Variants in IL1RAPL2 observed in about 807,000 individuals in gnomAD.
The protein encoded by IL1RAPL2 is X-linked interleukin-1 receptor accessory protein-like 2.
Under a neutral mutation model 44.1 loss-of-function variants are expected in IL1RAPL2, and 3 were observed. The ratio of observed to expected loss-of-function variants is 0.07; its 90% confidence interval spans 0.03 to 0.18. The LOEUF (loss-of-function observed/expected upper bound fraction) is 0.18, where lower values mean the gene tolerates loss of function less well. Ranked by LOEUF, IL1RAPL2 falls within the 10% of genes least tolerant of loss-of-function variation. The pLI is 1.00. For synonymous variants in IL1RAPL2, 181 were observed against 178.8 expected, an observed-to-expected ratio of 1.01 and a Z score of -0.10; for missense variants, 391 against 496.4, an observed-to-expected ratio of 0.79 and a Z score of 2.02.
chrX:104,676,346 C>G (rs1930756980), intron 2 of IL1RAPL2, among the ~76,000 whole-genome samples: 1 of 111,159 alleles, frequency 9.0e-6, no homozygotes, highest in African/African-American at 3.3e-5. Context: ...TTTTATTTCT[C>G]CTTCACTTAT....
At chrX:104,880,734 C>A (rs1188427157) in intron 2 of IL1RAPL2, among the ~76,000 whole-genome samples, 1 of 112,094 alleles carries the variant, frequency 8.9e-6, no homozygotes, top group Non-Finnish European at 1.9e-5. Flanking sequence ...GCAAACTGTT[C>A]GAAGTAATGC....
chrX:105,166,317 G>A (rs1440459327), intron 2 of IL1RAPL2, among the ~76,000 whole-genome samples: 2 of 111,427 alleles, frequency 1.8e-5, no homozygotes, highest in African/African-American at 3.3e-5. Context: ...CTCGATAAAT[G>A]TTGTTGAAAA....
intron 10 of IL1RAPL2, among the ~76,000 whole-genome samples, chrX:105,764,455 C>A (rs2038713052): frequency 8.9e-6 from 1 of 111,835 alleles, no homozygotes; most frequent in Non-Finnish European, 1.9e-5. Flanking sequence ...CGTACAGTTT[C>A]TCTTATAAGT....
At chrX:104,649,747 T>C (rs1930117811) in intron 1 of IL1RAPL2, among the ~76,000 whole-genome samples, 1 of 111,820 alleles carries the variant, frequency 8.9e-6, no homozygotes, top group African/African-American at 3.2e-5. Flanking sequence ...GTCTATTAAC[T>C]GTGTCCAAAT....
intron 2 of IL1RAPL2, among the ~76,000 whole-genome samples, chrX:104,788,511 G>A (rs1286365460): frequency 8.9e-6 from 1 of 112,228 alleles, no homozygotes; most frequent in Non-Finnish European, 1.9e-5. Flanking sequence ...TATATGCAAA[G>A]TACTCATCAA....
intron 5 of IL1RAPL2, among the ~76,000 whole-genome samples, chrX:105,430,943 C>A (rs2035843057): frequency 2.7e-5 from 3 of 111,919 alleles, no homozygotes; most frequent in South Asian, 7.4e-4. Flanking sequence ...ACTTACTAAG[C>A]ACAATGTAGT....
chrX:105,345,263 G>A lies in IL1RAPL2; in HGVS notation c.697+77722G>A, dbSNP rs1028824979. ...ATCAGATGCCTACTCAATTATCTACGTCGTATCTTTTTATTTCCCAGTATA... is the reference window on the plus strand; with the variant it reads ...ATCAGATGCCTACTCAATTATCTACATCGTATCTTTTTATTTCCCAGTATA... On this transcript the variant is annotated intron_variant, in intron 5 of 10. Coordinates refer to ENST00000372582, the MANE Select transcript of IL1RAPL2 (RefSeq NM_017416.2). 1.2e-4 allele frequency among the ~76,000 whole-genome samples: 13 copies of A among 111,483 alleles called. No individual in the cohort carries two copies. The Middle Eastern group carries it at 0.014, about 121-fold the overall frequency.
chrX:105,095,847 T>G (rs2032598152), intron 2 of IL1RAPL2, among the ~76,000 whole-genome samples: 1 of 111,730 alleles, frequency 9.0e-6, no homozygotes, highest in Non-Finnish European at 1.9e-5. Flanking sequence ...TAAATGAGAC[T>G]TCATAAAAAT....
chrX:105,229,785 AT>A (rs1170496169), intron 3 of IL1RAPL2, among the ~76,000 whole-genome samples: 1 of 110,493 alleles, frequency 9.1e-6, no homozygotes, highest in Admixed American at 9.6e-5. Context: ...CCAGAAGTAA[AT>A]TTTTTGTTTG....
At chrX:105,476,225 T>A (rs1449735250) in intron 5 of IL1RAPL2, among the ~76,000 whole-genome samples, 2 of 113,077 alleles carry the variant, frequency 1.8e-5, no homozygotes, top group Non-Finnish European at 3.7e-5. Flanking sequence ...AGGGATATTT[T>A]TAGTGAAACT....
chrX:104,807,892 A>C (rs1177282820), intron 2 of IL1RAPL2, among the ~76,000 whole-genome samples: 1 of 111,666 alleles, frequency 9.0e-6, no homozygotes, highest in Non-Finnish European at 1.9e-5. Context: ...TAAAAACAGC[A>C]CTTATGTGTT....
chrX:104,821,345 A>G (rs1410814149), intron 2 of IL1RAPL2, among the ~76,000 whole-genome samples: 1 of 110,756 alleles, frequency 9.0e-6, no homozygotes, highest in Non-Finnish European at 1.9e-5. Context: ...TGCTGAACCC[A>G]TCAACCTGTC....
At chrX:104,687,943 C>CA (rs1290018723) in intron 2 of IL1RAPL2, among the ~76,000 whole-genome samples, 4 of 111,192 alleles carry the variant, frequency 3.6e-5, no homozygotes, top group Non-Finnish European at 7.5e-5. Flanking sequence ...AAAGAAACAA[C>CA]AAAAAACCAA....
chrX:105,686,845 T>TA (rs2037982502), intron 6 of IL1RAPL2, among the ~76,000 whole-genome samples: 1 of 110,695 alleles, frequency 9.0e-6, no homozygotes, highest in South Asian at 3.8e-4. Context: ...TCAGCAAATG[T>TA]AAAAGAACAG....
intron 1 of IL1RAPL2, among the ~76,000 whole-genome samples, chrX:104,612,919 AT>A (rs962537664): frequency 4.5e-5 from 5 of 110,006 alleles, no homozygotes; most frequent in African/African-American, 9.9e-5. Context: ...TGGTATTTTA[AT>A]TTTTTTTGTG....
intron 1 of IL1RAPL2, among the ~76,000 whole-genome samples, chrX:104,644,925 ATCT>A (rs1288281787): frequency 9.0e-6 from 1 of 111,377 alleles, no homozygotes; most frequent in Non-Finnish European, 1.9e-5. Flanking sequence ...GTTTCTGACA[ATCT>A]TCTTTTGGTT....
At chrX:104,810,057 A>G (rs1932961583) in intron 2 of IL1RAPL2, among the ~76,000 whole-genome samples, 1 of 110,688 alleles carries the variant, frequency 9.0e-6, no homozygotes, top group Admixed American at 9.7e-5. Context: ...AATGTGGCAT[A>G]TATACACCTT....
chrX:105,013,123 G>A (rs773668715), intron 2 of IL1RAPL2, among the ~76,000 whole-genome samples: 27 of 111,228 alleles, frequency 2.4e-4, no homozygotes, highest in Non-Finnish European at 4.7e-4. Context: ...AATGTAACAG[G>A]TGGGAAGTAA....
At chrX:105,710,907 C>T (rs1265913305) in intron 6 of IL1RAPL2, among the ~76,000 whole-genome samples, 1 of 105,666 alleles carries the variant, frequency 9.5e-6, no homozygotes, top group African/African-American at 3.4e-5. Context: ...TGATGAACTA[C>T]CTTGTGATTA....
Sources: allele counts gnomAD v4.1 joint callset (sites outside exome capture counted in the v4.1 genomes callset), GRCh38; gene constraint gnomAD v4.1.1; transcripts MANE v1.5; gene names NCBI Gene and HGNC (gene_info 2026-07-23, HGNC 2026-07-21).